Variants in KIAA0513 observed in about 807,000 individuals in gnomAD.
The protein encoded by KIAA0513 is KIAA0513, also known as uncharacterized protein KIAA0513.
KIAA0513 carries 39 observed loss-of-function variants against 56.5 expected under a neutral mutation model. The observed-to-expected ratio is 0.69, with a 90% CI of 0.53 to 0.90. KIAA0513 has a LOEUF of 0.90. KIAA0513 is among the 40% of genes least tolerant of loss of function. KIAA0513 has a pLI of 0.00. For synonymous variants in KIAA0513, 268 were observed against 215.6 expected, an observed-to-expected ratio of 1.24 and a Z score of -2.13; for missense variants, 591 against 535.2, an observed-to-expected ratio of 1.10 and a Z score of -1.03.
chr16:85,039,313 A>AT (rs1567521197), intron 1 of KIAA0513, among the ~76,000 whole-genome samples: 1 of 151,990 alleles, frequency 6.6e-6, no homozygotes, highest in Non-Finnish European at 1.5e-5. Flanking sequence ...ACTCTTTTTA[A>AT]TTTTTTTGAG....
intron 4 of KIAA0513, 23 bp from the exon 5 acceptor site, chr16:85,075,815 TTAGCCA>T: frequency 6.2e-7 from 1 of 1,612,470 alleles, no homozygotes; most frequent in Non-Finnish European, 8.5e-7. Context: ...GGAGCGATCT[TTAGCCA>T]TGAGCCTTGC....
chr16:85,035,628 C>G (rs1443472890), intron 1 of KIAA0513, among the ~76,000 whole-genome samples: 11 of 152,138 alleles, frequency 7.2e-5, no homozygotes, highest in Admixed American at 7.2e-4. Flanking sequence ...GTAGCTGGGA[C>G]TACAGGCATG....
At position 85,059,591 on chromosome 16, in the gene KIAA0513, G is replaced by A. The variant is rs1227051280; in HGVS notation, c.-172-7309G>A. Among the ~76,000 whole-genome samples the A allele has an allele frequency of 2.6e-5, 4 of 152,324 alleles. No homozygotes were observed. In the East Asian group the frequency reaches 5.8e-4, roughly 22 times the overall value. ...ACACACCCCTCTTCTCCAGCCCCACGTTTCTCATCTCTCAACTGGGAGTGA... is the reference window on the plus strand; with the variant it reads ...ACACACCCCTCTTCTCCAGCCCCACATTTCTCATCTCTCAACTGGGAGTGA... On this transcript the variant is annotated intron_variant, in intron 1 of 12. Coordinates refer to ENST00000683363, the MANE Select transcript of KIAA0513 (RefSeq NM_001388359.1).
chr16:85,081,384 C>A lies in KIAA0513; in HGVS notation c.972C>A (p.Pro324=). ...ATTGTGAGAGGACAAAGCGATCTCCCACTACCAGGTAGGAGCAAAGTGTGG... is the reference window on the plus strand; with the variant it reads ...ATTGTGAGAGGACAAAGCGATCTCCAACTACCAGGTAGGAGCAAAGTGTGG... ...AVHCERTKRS[P]TTRGDAGEEE... The change falls in exon 9 of 13, where the codon CCC becomes CCA. Residue 324 remains proline (P), a synonymous_variant. Transcript: ENST00000683363. The surrounding 1 kb of genome is among the most constrained non-coding windows in gnomAD (Gnocchi z 4.4). 1 of 1,566,786 alleles carries A rather than the reference C, an allele frequency of 6.4e-7. No homozygotes were observed. Among genetic ancestry groups the A allele is most frequent in the East Asian group, 2.4e-5 (1 of 41,864 alleles).
At position 85,071,764 on chromosome 16, in the gene KIAA0513, T is replaced by TG; in HGVS notation, c.330-19_330-18insG. 2.1e-6 allele frequency: 3 copies of TG among 1,446,832 alleles called. No individual in the cohort carries two copies. The highest frequency in any genetic ancestry group is 2.8e-6 in the Non-Finnish European group (3 of 1,070,526). The allele number at this position is 1,446,832 out of a possible 1,614,324, so 89.6% of individuals were successfully genotyped here. ...AGGGTTTTTTTTTTTTTTCCTCTGC[T>TG]CTTTTTTTTTTTTTTTAGGGAGGAC... On this transcript the variant is annotated intron_variant, in intron 2 of 12. Coordinates refer to ENST00000683363, the MANE Select transcript of KIAA0513 (RefSeq NM_001388359.1).
chr16:85,047,379 C>T (rs999795573), intron 1 of KIAA0513, among the ~76,000 whole-genome samples: 3 of 152,166 alleles, frequency 2.0e-5, no homozygotes, highest in Non-Finnish European at 4.4e-5. Flanking sequence ...GAGCACTTTC[C>T]GGTTTCCTGG....
intron 11 of KIAA0513, 100 bp from the exon 12 acceptor site, chr16:85,086,972 C>A: frequency 1.7e-6 from 2 of 1,154,338 alleles, no homozygotes; most frequent in African/African-American, 1.5e-5. Flanking sequence ...GCTGACAATT[C>A]CAGGCAGGCC....
At chr16:85,028,537 C>T (rs189962195) in intron 1 of KIAA0513, among the ~76,000 whole-genome samples, 8 of 152,142 alleles carry the variant, frequency 5.3e-5, no homozygotes, top group African/African-American at 1.9e-4. Flanking sequence ...AGTTTAGGAC[C>T]GCTGGATCAG....
At chr16:85,087,586 G>A (rs1048668121) in intron 12 of KIAA0513, among the ~76,000 whole-genome samples, 3 of 152,234 alleles carry the variant, frequency 2.0e-5, no homozygotes, top group Non-Finnish European at 4.4e-5. Context: ...GTGGTGAGGA[G>A]TGAGTTTTGA....
rs1380386609 is a variant in KIAA0513 at position 85,078,427 on chromosome 16, C to A, written c.795C>A (p.Asn265Lys). The A allele has an allele frequency of 1.2e-6, 2 of 1,614,008 alleles. No homozygotes were observed. Among genetic ancestry groups the A allele is most frequent in the South Asian group, 2.2e-5 (2 of 91,088 alleles). Residue 265 changes from asparagine to lysine, a missense_variant, in exon 7 of 13, where the codon AAC becomes AAA. By Grantham distance (94) the Asn-to-Lys change is moderately conservative. Coordinates refer to ENST00000683363, the MANE Select transcript of KIAA0513 (RefSeq NM_001388359.1). The part of the protein sequence containing the change: ...PLARRNEEDE[N>K]KPQEKRPRAV... ...TTCTCTCCCTCAGGGAAGACGAGAACAAACCCCAGGAGAAGCGGCCCAGGG... is the reference window on the plus strand; with the variant it reads ...TTCTCTCCCTCAGGGAAGACGAGAAAAAACCCCAGGAGAAGCGGCCCAGGG...
chr16:85,055,813 C>A (rs954801805), intron 1 of KIAA0513, among the ~76,000 whole-genome samples: 1 of 152,188 alleles, frequency 6.6e-6, no homozygotes, highest in African/African-American at 2.4e-5. Context: ...CAGAGAGTTC[C>A]TCTGTAAAGC....
At chr16:85,060,279 A>T (rs72803602) in intron 1 of KIAA0513, among the ~76,000 whole-genome samples, 5,784 of 151,874 alleles carry the variant, frequency 0.038, 124 homozygotes, top group Non-Finnish European at 0.053. Context: ...TTGATTTGTG[A>T]TGGAGCTGAG....
At chr16:85,064,547 A>G (rs1371053104) in intron 1 of KIAA0513, among the ~76,000 whole-genome samples, 2 of 152,226 alleles carry the variant, frequency 1.3e-5, no homozygotes, top group African/African-American at 2.4e-5. Context: ...TAATTTTACC[A>G]TAACTTTACC....
intron 1 of KIAA0513, among the ~76,000 whole-genome samples, chr16:85,035,933 C>T (rs62048450): frequency 0.16 from 23,990 of 148,058 alleles, 2,389 homozygotes; most frequent in Middle Eastern, 0.23. Flanking sequence ...GAGCCGAGAT[C>T]GTGCCACTGC....
chr16:85,078,574 G>C, intron 7 of KIAA0513, 119 bp downstream of exon 7: 2 of 931,628 alleles, frequency 2.1e-6, no homozygotes, highest in Non-Finnish European at 1.6e-6. Flanking sequence ...ACCTTGCCCT[G>C]GGTGATGCCC....
In KIAA0513 at chr16:85,087,117, G is replaced by A. The variant is rs139483361; in HGVS notation, c.1137G>A (p.Leu379=). 8.4e-4 allele frequency: 1,362 copies of A among 1,614,216 alleles called. 6 individuals carry two copies. The African/African-American group carries it at 0.012, about 14-fold the overall frequency. The change falls in exon 12 of 13, where the codon CTG becomes CTA. Residue 379 remains leucine, a synonymous_variant. Coordinates refer to ENST00000683363, the MANE Select transcript of KIAA0513 (RefSeq NM_001388359.1). ...TGGCCTTTGGACTGAACAAGAAGCT[G>A]TGCAATGACTTCCTGAAGAAGCAGG... The part of the protein sequence containing the change: ...NMLAFGLNKK[L]CNDFLKKQAV...
At chr16:85,032,164 C>G (rs1349448791) in intron 1 of KIAA0513, among the ~76,000 whole-genome samples, 1 of 152,160 alleles carries the variant, frequency 6.6e-6, no homozygotes, top group African/African-American at 2.4e-5. Flanking sequence ...GCCGGTGATC[C>G]GTGTTGTCCC....
intron 2 of KIAA0513, 144 bp from the exon 3 acceptor site, chr16:85,071,639 G>T: frequency 1.5e-6 from 1 of 648,406 alleles, no homozygotes. Context: ...CCGCCCGGAG[G>T]CTGAGATGAG....
chr16:85,082,675 T>TGCTGA, intron 10 of KIAA0513, 82 bp downstream of exon 10: 4 of 1,394,570 alleles, frequency 2.9e-6, no homozygotes, highest in Non-Finnish European at 4.0e-6. Flanking sequence ...CTGTGCACTG[T>TGCTGA]GCTGAGCTGC....
Sources: gnomAD v4.1 joint callset for allele counts (sites outside exome capture counted in the v4.1 genomes callset) on GRCh38, gnomAD v4.1.1 for gene constraint, Gnocchi (gnomAD v3.1) non-coding constraint, MANE v1.5 for transcripts, NCBI Gene and HGNC (gene_info 2026-07-23, HGNC 2026-07-21) for gene names.